ZNF718: variants seen among roughly 807,000 people sequenced by gnomAD.
ZNF718 encodes zinc finger protein 718.
A neutral mutation model predicts 2.6 loss-of-function variants in ZNF718; 3 were observed. The ratio of observed to expected loss-of-function variants is 1.16; its 90% CI spans 0.53 to 3.01. The LOEUF (loss-of-function observed/expected upper bound fraction) is 3.01, where lower values mean the gene tolerates loss of function less well. Ranked by LOEUF, ZNF718 falls within the 30% of genes most tolerant of loss-of-function variation. The pLI is 0.03. For synonymous variants in ZNF718, 135 were observed against 77.9 expected (o/e 1.73, Z -3.86); for missense variants, 468 against 230.0 (o/e 2.03, Z -6.69).
intron 3 of ZNF718, among the ~76,000 whole-genome samples, chr4:196,831 A>G (rs1236427300): frequency 6.6e-6 from 1 of 151,990 alleles, no homozygotes; most frequent in Non-Finnish European, 1.5e-5. Context: ...AGCCACGCTA[A>G]TCATTTTTAA....
Position 162,143 on chromosome 4 carries a change from C to A in ZNF718, c.*21C>A, listed in dbSNP as rs1291569309. 1 of 689,762 alleles carries A rather than the reference C, an allele frequency of 1.4e-6. No homozygotes were observed. The highest frequency in any genetic ancestry group is 2.7e-6 in the Non-Finnish European group (1 of 376,280). The allele number at this position is 689,762 out of a possible 1,614,324, so 42.7% of individuals were successfully genotyped here. A position where few individuals can be genotyped will look rare whatever the true frequency, so the allele number is the denominator to read the frequency against. ...TTTAGAAATGTGAAGAATGTGGGAG[C>A]CTTTAAGTCTTCCTCAGTCTTTTCT... On this transcript the variant is annotated 3_prime_UTR_variant, in exon 4 of 4. Transcript: ENST00000510175.
chr4:136,053 T>C (rs1438854788), intron 3 of ZNF718, among the ~76,000 whole-genome samples: 1 of 152,136 alleles, frequency 6.6e-6, no homozygotes, highest in Non-Finnish European at 1.5e-5. Flanking sequence ...CCTCTGCTTT[T>C]GATGGTTGTG....
rs1175805457 is a variant in ZNF718, at chr4:197,590, A to G, written c.227-3491A>G. On this transcript the variant is annotated intron_variant and NMD_transcript_variant, in intron 3 of 4. Transcript: ENST00000642529. ...AAGAGAATGATGCCTACATTTGCAC[A>G]TCTGAGCTCCAATCCAAGTGCTGCT... Among the ~76,000 whole-genome samples the G allele has an allele frequency of 2.0e-5, 3 of 152,174 alleles. No individual in the cohort carries two copies. In the East Asian group the frequency reaches 5.8e-4, roughly 29 times the overall value.
rs782092191 is a variant in ZNF718 at position 155,008 on chromosome 4, G to A, written c.227-5904G>A. Among the ~76,000 whole-genome samples the A allele has an allele frequency of 2.8e-4, 43 of 152,304 alleles. 1 individual carries two copies. The highest frequency in any genetic ancestry group is 5.7e-4 in the Non-Finnish European group (39 of 68,024). On this transcript the variant is annotated intron_variant, in intron 3 of 3. Transcript: ENST00000510175. Reference sequence around the variant, plus strand: ...AGCTACTCTACCCATAGCTAAACAGGGTCAAGGTACAGCTTAGGCCTTGGC... The same window carrying A: ...AGCTACTCTACCCATAGCTAAACAGAGTCAAGGTACAGCTTAGGCCTTGGC...
At chr4:181,022 T>A (rs542012071) in intron 3 of ZNF718, among the ~76,000 whole-genome samples, 1 of 152,098 alleles carries the variant, frequency 6.6e-6, no homozygotes, top group Non-Finnish European at 1.5e-5. Flanking sequence ...TGAAGTAGTA[T>A]TCTTTATTTT....
At chr4:141,944 A>T in intron 3 of ZNF718, 1 of 494,640 alleles carries the variant, frequency 2.0e-6, no homozygotes, top group Non-Finnish European at 4.1e-6. Flanking sequence ...AAGCTTTACT[A>T]TGCAAGGAGG....
chr4:155,626 C>T (rs1560118997), intron 3 of ZNF718, among the ~76,000 whole-genome samples: 1 of 152,162 alleles, frequency 6.6e-6, no homozygotes. Flanking sequence ...TGCCTGCACC[C>T]CCATTGTGTC....
intron 3 of ZNF718, among the ~76,000 whole-genome samples, chr4:192,995 A>C (rs1717722081): frequency 6.6e-6 from 1 of 152,152 alleles, no homozygotes; most frequent in Non-Finnish European, 1.5e-5. Context: ...TTGGTGAAGA[A>C]TTTTAAGTAA....
At position 132,641 on chromosome 4, in the gene ZNF718, A is replaced by G. The variant is rs1469428902; in HGVS notation, c.226+1136A>G. On this transcript the variant is annotated intron_variant, in intron 3 of 3. Coordinates refer to ENST00000510175, the MANE Select transcript of ZNF718 (RefSeq NM_001039127.6). ...TCTGCTTAGTGATTTTTAATCCTAT[A>G]GAGGTTGCAAATGTAATTCTACAAA... Among the ~76,000 whole-genome samples, 2 of 104,512 alleles carry G rather than the reference A, an allele frequency of 1.9e-5. 1 individual carries two copies. Among genetic ancestry groups the G allele is most frequent in the East Asian group, 1.0e-3 (2 of 1,924 alleles). 68.6% of individuals were successfully genotyped at this position (104,512 alleles called of 152,430 possible).
intron 3 of ZNF718, among the ~76,000 whole-genome samples, chr4:156,673 CAG>C (rs1716581707): frequency 6.6e-6 from 1 of 152,144 alleles, no homozygotes; most frequent in Non-Finnish European, 1.5e-5. Context: ...ATTTCAGAAT[CAG>C]ACTGTTTTAG....
At chr4:197,994 G>A (rs1717825978) in intron 3 of ZNF718, among the ~76,000 whole-genome samples, 1 of 152,232 alleles carries the variant, frequency 6.6e-6, no homozygotes. Context: ...ATGACTGAAG[G>A]ATAAAGAGTT....
chr4:162,444 C>G lies in ZNF718; in HGVS notation c.*322C>G, dbSNP rs150738691. 1.5e-5 allele frequency: 3 copies of G among 202,376 alleles called. No homozygotes were observed. Among genetic ancestry groups the G allele is most frequent in the Non-Finnish European group, 3.0e-5 (3 of 101,004 alleles). 12.5% of individuals were successfully genotyped at this position (202,376 alleles called of 1,614,324 possible). On this transcript the variant is annotated 3_prime_UTR_variant, in exon 4 of 4. Transcript: ENST00000510175. ...GCATTTATACTTGAGAAAAATTGTA[C>G]AAATATAGAAAATGTAGAAAAGCCA...
chr4:141,261 A>C (rs1171479776), intron 3 of ZNF718, among the ~76,000 whole-genome samples: 2 of 152,236 alleles, frequency 1.3e-5, no homozygotes, highest in African/African-American at 4.8e-5. Flanking sequence ...AAGGTTATTC[A>C]TAAAACAATG....
At position 140,754 on chromosome 4, in the gene ZNF718, A is replaced by G. The variant is rs531277324; in HGVS notation, c.226+9249A>G. Among the ~76,000 whole-genome samples, 171 of 152,316 alleles carry G rather than the reference A, an allele frequency of 1.1e-3. 4 individuals are homozygous for G. Among genetic ancestry groups the G allele is most frequent in the African/African-American group, 4.0e-3 (167 of 41,574 alleles). On this transcript the variant is annotated intron_variant, in intron 3 of 3. Coordinates refer to ENST00000510175, the MANE Select transcript of ZNF718 (RefSeq NM_001039127.6). ...TACATGTCTAGATGTCTTTATTTGC[A>G]TGTACACTTACTGTTATATGTTATG...
chr4:139,983 T>C (rs1374079719), intron 3 of ZNF718, among the ~76,000 whole-genome samples: 1 of 152,170 alleles, frequency 6.6e-6, no homozygotes, highest in Non-Finnish European at 1.5e-5. Flanking sequence ...TTTAAGTCGC[T>C]GTTTATAATT....
chr4:140,047 C>T (rs1164961706), intron 3 of ZNF718, among the ~76,000 whole-genome samples: 1 of 151,978 alleles, frequency 6.6e-6, no homozygotes, highest in Non-Finnish European at 1.5e-5. Context: ...GCACGTGGTC[C>T]CCGATCCCTA....
chr4:153,566 T>G (rs945820924), intron 3 of ZNF718, among the ~76,000 whole-genome samples: 3 of 151,666 alleles, frequency 2.0e-5, no homozygotes, highest in East Asian at 1.9e-4. Flanking sequence ...CAGTTTTTCA[T>G]ATTTTTATCA....
chr4:152,818 G>C (rs1180967478), intron 3 of ZNF718, among the ~76,000 whole-genome samples: 2 of 151,862 alleles, frequency 1.3e-5, no homozygotes, highest in African/African-American at 2.4e-5. Context: ...TATATATTCT[G>C]TAAGTTTATC....
intron 3 of ZNF718, among the ~76,000 whole-genome samples, chr4:200,424 A>G (rs1487611367): frequency 6.6e-6 from 1 of 152,092 alleles, no homozygotes; most frequent in African/African-American, 2.4e-5. Context: ...ATGTGCCACC[A>G]TGTCCAGCTA....
Sources: allele counts gnomAD v4.1 joint callset (sites outside exome capture counted in the v4.1 genomes callset), GRCh38; gene constraint gnomAD v4.1.1; transcripts MANE v1.5; gene names NCBI Gene and HGNC (gene_info 2026-07-23, HGNC 2026-07-21).